The following PDZD2 variants were observed in gnomAD, a reference collection of about 807,000 sequenced individuals.
PDZD2 encodes PDZ domain containing 2, also known as PDZ domain-containing protein 2.
PDZD2 carries 90 observed loss-of-function variants against 220.7 expected under a neutral mutation model. The ratio of observed to expected loss-of-function variants is 0.41; its 90% CI spans 0.34 to 0.49. The LOEUF (loss-of-function observed/expected upper bound fraction) is 0.49. Among genes scored for constraint, PDZD2 ranks in the 20% least tolerant of loss-of-function variants. The pLI is 0.28. For synonymous variants in PDZD2, 1,375 were observed against 1,450.5 expected, an observed-to-expected ratio of 0.95 and a Z score of 1.18; for missense variants, 3,174 against 3,608.5, an observed-to-expected ratio of 0.88 and a Z score of 3.08.
At chr5:31,860,422 A>C (rs548095599) in intron 2 of PDZD2, among the ~76,000 whole-genome samples, 132 of 152,302 alleles carry the variant, frequency 8.7e-4, no homozygotes, top group Middle Eastern at 3.4e-3. Flanking sequence ...TAGTTTGTCT[A>C]CATTCCAGCT....
chr5:31,907,813 G>C (rs1013853603), intron 2 of PDZD2, among the ~76,000 whole-genome samples: 1 of 152,078 alleles, frequency 6.6e-6, no homozygotes, highest in African/African-American at 2.4e-5. Context: ...GGCTGGGCCC[G>C]GTGGCTTATG....
Position 32,057,873 on chromosome 5 carries a change from C to G in PDZD2, c.1975-5C>G. On this transcript the variant is annotated splice_polypyrimidine_tract_variant and splice_region_variant and intron_variant, in intron 11 of 24. Transcript: ENST00000438447. ...TCAGCCCACCTTTCCTCACTGTTTT[C>G]TCAGCAAATCCGGAGTGGATTATTT... is the stretch of plus-strand genomic sequence containing the variant. 1.9e-6 allele frequency: 3 copies of G among 1,570,142 alleles called. No individual in the cohort carries two copies. In the South Asian group the frequency reaches 3.3e-5, roughly 17 times the overall value.
At chr5:31,741,297 T>C (rs904749058) in intron 1 of PDZD2, among the ~76,000 whole-genome samples, 1 of 152,208 alleles carries the variant, frequency 6.6e-6, no homozygotes, top group African/African-American at 2.4e-5. Flanking sequence ...CTTTATTTTC[T>C]TTATGCATTT....
At position 31,896,216 on chromosome 5, in the gene PDZD2, T is replaced by C. The variant is rs901219160; in HGVS notation, c.477-86939T>C. On this transcript the variant is annotated intron_variant, in intron 2 of 24. Transcript: ENST00000438447. ...CTAGGCATGTAACTGTGAGGTGGGG[T>C]AGAGACTTGAGAGTCCATGTCAGCT... 5.9e-5 allele frequency among the ~76,000 whole-genome samples: 9 copies of C among 151,838 alleles called. No individual in the cohort carries two copies. The South Asian group carries it at 1.9e-3, about 32-fold the overall frequency.
At chr5:32,002,541 G>C (rs2112010399) in intron 5 of PDZD2, among the ~76,000 whole-genome samples, 1 of 151,846 alleles carries the variant, frequency 6.6e-6, no homozygotes, top group South Asian at 2.1e-4. Flanking sequence ...GATGAAGTGG[G>C]AGCCTGAAAG....
intron 3 of PDZD2, 111 bp downstream of exon 3, chr5:31,983,767 T>A: frequency 9.1e-7 from 1 of 1,100,864 alleles, no homozygotes; most frequent in Non-Finnish European, 1.3e-6. Flanking sequence ...ACCAGAATTT[T>A]GAAAGAAATA....
chr5:31,862,098 T>TG (rs1737759151), intron 2 of PDZD2, among the ~76,000 whole-genome samples: 2 of 118,784 alleles, frequency 1.7e-5, no homozygotes, highest in African/African-American at 6.7e-5. Flanking sequence ...GTTTTTTTTT[T>TG]GGGTTTTTTT....
intron 6 of PDZD2, among the ~76,000 whole-genome samples, chr5:32,013,203 A>G (rs1427479039): frequency 6.6e-6 from 1 of 152,174 alleles, no homozygotes; most frequent in Non-Finnish European, 1.5e-5. Flanking sequence ...AATGGTTAAT[A>G]TTCCTTAACA....
At chr5:31,828,607 C>T (rs1214452859) in intron 2 of PDZD2, among the ~76,000 whole-genome samples, 1 of 152,180 alleles carries the variant, frequency 6.6e-6, no homozygotes, top group Non-Finnish European at 1.5e-5. Context: ...GCAATCCTCC[C>T]ACCTTATTCT....
rs112559049 is a variant in PDZD2, at chr5:31,727,754, A to G, written c.-360-71135A>G. Among the ~76,000 whole-genome samples, 826 of 148,846 alleles carry G rather than the reference A, an allele frequency of 5.5e-3. 9 individuals carry two copies. The highest frequency in any genetic ancestry group is 0.021 in the Middle Eastern group (6 of 280). ...CGCGGTGGCTTCACCTGTAAACCCA[A>G]CACTTCCGGAGGCCGAGGCGGGCGG... On this transcript the variant is annotated intron_variant, in intron 1 of 24. Coordinates refer to ENST00000438447, the MANE Select transcript of PDZD2 (RefSeq NM_178140.4).
intron 2 of PDZD2, among the ~76,000 whole-genome samples, chr5:31,971,168 A>G (rs1411426560): frequency 3.3e-5 from 5 of 152,156 alleles, no homozygotes; most frequent in African/African-American, 1.2e-4. Context: ...GATTCATGAA[A>G]ACAGAAACTT....
At chr5:32,103,108 A>T (rs1264613861) in intron 24 of PDZD2, among the ~76,000 whole-genome samples, 1 of 152,164 alleles carries the variant, frequency 6.6e-6, no homozygotes, top group Admixed American at 6.5e-5. Flanking sequence ...AAAGAGTTCC[A>T]GAAGGAAAAA....
chr5:31,872,059 G>C (rs16901648), intron 2 of PDZD2, among the ~76,000 whole-genome samples: 8,553 of 152,046 alleles, frequency 0.056, 453 homozygotes, highest in African/African-American at 0.14. Context: ...ACTAGGAAAA[G>C]GGGTACCAAC....
intron 2 of PDZD2, among the ~76,000 whole-genome samples, chr5:31,849,929 TATAC>T (rs1447185197): frequency 9.3e-5 from 2 of 21,456 alleles, no homozygotes; most frequent in Non-Finnish European, 1.6e-4. Flanking sequence ...CATATATATA[TATAC>T]ACATATATAT....
intron 2 of PDZD2, among the ~76,000 whole-genome samples, chr5:31,945,397 C>T (rs1746546691): frequency 6.6e-6 from 1 of 152,194 alleles, no homozygotes; most frequent in South Asian, 2.1e-4. Context: ...AGGAGGGATT[C>T]TTCCACTGGC....
intron 24 of PDZD2, among the ~76,000 whole-genome samples, chr5:32,104,807 A>C (rs1744605096): frequency 6.6e-6 from 1 of 151,674 alleles, no homozygotes; most frequent in South Asian, 2.1e-4. Flanking sequence ...AGTGATTAGA[A>C]GATATTTACA....
Position 32,098,733 on chromosome 5 carries a change from G to A in PDZD2, c.8218+99G>A, listed in dbSNP as rs1743970001. 1 of 1,113,050 alleles carries A rather than the reference G, an allele frequency of 9.0e-7. No individual in the cohort carries two copies. The allele number at this position is 1,113,050 out of a possible 1,614,324, so 68.9% of individuals were successfully genotyped here. On this transcript the variant is annotated intron_variant, in intron 23 of 24. Coordinates refer to ENST00000438447, the MANE Select transcript of PDZD2 (RefSeq NM_178140.4). The surrounding 1 kb of genome is among the most constrained non-coding windows in gnomAD (Gnocchi z 4.1). ...GAAAATAACAGCTAACTAACTTCTA[G>A]ATCTGAAAAATTAAATGTAGCGAAG...
intron 2 of PDZD2, among the ~76,000 whole-genome samples, chr5:31,820,934 T>C (rs1049574074): frequency 6.6e-6 from 1 of 152,070 alleles, no homozygotes; most frequent in Non-Finnish European, 1.5e-5. Context: ...TTTTTCTATT[T>C]TATTTTACTT....
intron 1 of PDZD2, among the ~76,000 whole-genome samples, chr5:31,671,573 C>T (rs953806777): frequency 1.3e-5 from 2 of 152,176 alleles, no homozygotes; most frequent in Non-Finnish European, 2.9e-5. Flanking sequence ...CCCACGGCCC[C>T]CCACATGCAC....
Sources: allele counts gnomAD v4.1 joint callset (sites outside exome capture counted in the v4.1 genomes callset), GRCh38; gene constraint gnomAD v4.1.1; non-coding constraint Gnocchi (gnomAD v3.1); transcripts MANE v1.5; gene names NCBI Gene and HGNC (gene_info 2026-07-23, HGNC 2026-07-21).